SOX30: variants seen among roughly 807,000 people sequenced by gnomAD.
SOX30 encodes SRY-box transcription factor 30.
In SOX30, 17 loss-of-function variants were observed where a neutral mutation model predicts 58.6. The ratio of observed to expected loss-of-function variants is 0.29; its 90% CI spans 0.20 to 0.44. The LOEUF is 0.44. SOX30 is among the 20% of genes least tolerant of loss of function. The pLI is 1.00. For synonymous variants in SOX30, 421 were observed against 400.2 expected, an observed-to-expected ratio of 1.05 and a Z score of -0.62; for missense variants, 951 against 965.8, an observed-to-expected ratio of 0.98 and a Z score of 0.20.
chr5:157,631,059 A>ACAATATATATATTT (rs1758792303), intron 4 of SOX30, among the ~76,000 whole-genome samples: 1 of 49,268 alleles, frequency 2.0e-5, no homozygotes, highest in African/African-American at 6.7e-5. Context: ...ATATATATAT[A>ACAATATATATATTT]TATATATATA....
Position 157,626,677 on chromosome 5 carries a change from G to C in SOX30, c.1925C>G (p.Pro642Arg). The C allele has an allele frequency of 6.2e-7, 1 of 1,612,982 alleles. No individual in the cohort carries two copies. Among genetic ancestry groups the C allele is most frequent in the Non-Finnish European group, 8.5e-7 (1 of 1,179,648 alleles). The change falls in exon 5 of 5, where the codon CCG becomes CGG. Residue 642 changes from proline to arginine, a missense_variant. Coordinates refer to ENST00000265007, the MANE Select transcript of SOX30 (RefSeq NM_178424.2). ...ACTAAGGCATTCTGGCATTGAACTC[G>C]GAAAATTTCCATAGCCAAAGGGAGG... ...SRPPFGYGNFPSSMPECLSYY... is the reference protein window; with the variant it reads ...SRPPFGYGNFRSSMPECLSYY...
chr5:157,651,176 T>G lies in SOX30; in HGVS notation c.903A>C (p.Leu301=). 1 of 1,607,368 alleles carries G rather than the reference T, an allele frequency of 6.2e-7. No individual in the cohort carries two copies. ...LTPVPTKMQS[L]LEPSVKIETK... The stretch of plus-strand genomic sequence containing the variant: ...TTTCAATTTTTACAGAAGGCTCCAG[T>G]AGGGACTGCATTTTAGTAGGCACTG... The change falls in exon 1 of 5, where the codon CTA becomes CTC. Residue 301 remains leucine, a synonymous_variant. Transcript: ENST00000265007.
chr5:157,626,619 A>G lies in SOX30; in HGVS notation c.1983T>C (p.Gly661=), dbSNP rs186021483. The part of the protein sequence containing the change: ...YYEDRYPKHE[G]IFSTLNRDYS... Reference sequence around the variant, plus strand: ...AGTCTCTATTTAAAGTTGAAAAGATACCCTCATGTTTTGGGTACCTGTCTT... The same window carrying G: ...AGTCTCTATTTAAAGTTGAAAAGATGCCCTCATGTTTTGGGTACCTGTCTT... Residue 661 remains glycine (G), a synonymous_variant, in exon 5 of 5, where the codon GGT becomes GGC. Coordinates refer to ENST00000265007, the MANE Select transcript of SOX30 (RefSeq NM_178424.2). 16 of 1,614,136 alleles carry G rather than the reference A, an allele frequency of 9.9e-6. No homozygotes were observed. The East Asian group carries it at 3.3e-4, about 34-fold the overall frequency.
chr5:157,646,831 A>C lies in SOX30; in HGVS notation c.1208-15T>G. On this transcript the variant is annotated splice_polypyrimidine_tract_variant and intron_variant, in intron 2 of 4. Coordinates refer to ENST00000265007, the MANE Select transcript of SOX30 (RefSeq NM_178424.2). Reference sequence around the variant, plus strand: ...ATAAACCCAACCTATAGAAGACAAAATATGTTTAAATGTGTAGACTCCATT... The same window carrying C: ...ATAAACCCAACCTATAGAAGACAAACTATGTTTAAATGTGTAGACTCCATT... The C allele has an allele frequency of 6.3e-7, 1 of 1,594,460 alleles. No individual in the cohort carries two copies. The highest frequency in any genetic ancestry group is 8.6e-7 in the Non-Finnish European group (1 of 1,163,442).
intron 4 of SOX30, among the ~76,000 whole-genome samples, chr5:157,630,299 T>C (rs1758759511): frequency 1.3e-5 from 2 of 152,172 alleles, no homozygotes; most frequent in South Asian, 4.1e-4. Flanking sequence ...TCAGCTTCCT[T>C]GGGGATAGTT....
chr5:157,670,449 A>G (rs940342962), intron 1 of SOX30, among the ~76,000 whole-genome samples: 3 of 152,210 alleles, frequency 2.0e-5, no homozygotes, highest in East Asian at 3.8e-4. Flanking sequence ...GAGTTTTATC[A>G]GGGCTTGGCA....
chr5:157,633,694 G>T (rs563811052), intron 4 of SOX30, among the ~76,000 whole-genome samples: 3 of 152,122 alleles, frequency 2.0e-5, no homozygotes, highest in Non-Finnish European at 4.4e-5. Context: ...AAAGAGAATT[G>T]CTTTTAACCT....
intron 4 of SOX30, among the ~76,000 whole-genome samples, chr5:157,633,058 ACT>A (rs1758848858): frequency 6.6e-6 from 1 of 152,016 alleles, no homozygotes; most frequent in African/African-American, 2.4e-5. Context: ...ACAGAGCAAG[ACT>A]CTCAAAAAAA....
In SOX30 at chr5:157,626,453, C is replaced by T; in HGVS notation, c.2149G>A (p.Gly717Arg). Residue 717 changes from glycine to arginine, a missense_variant, in exon 5 of 5, where the codon GGA becomes AGA. Gly to Arg is a moderately radical substitution (Grantham distance 125, BLOSUM62 -2). Transcript: ENST00000265007. Reference protein sequence around the residue: ...NLNPVPQLDIGTLENVFTAPT... With the variant: ...NLNPVPQLDIRTLENVFTAPT... ...GCTGTGAAGACATTCTCCAAGGTTC[C>T]AATGTCCAGCTGAGGCACAGGGTTT... 1 of 1,614,116 alleles carries T rather than the reference C, an allele frequency of 6.2e-7. No homozygotes were observed. Among genetic ancestry groups the T allele is most frequent in the Non-Finnish European group, 8.5e-7 (1 of 1,180,012 alleles).
chr5:157,653,326 G>GTGA (rs1283299889), upstream of SOX30, among the ~76,000 whole-genome samples: 2 of 139,344 alleles, frequency 1.4e-5, no homozygotes, highest in African/African-American at 6.1e-5. Flanking sequence ...GAATTTTCAT[G>GTGA]TGATGATTCC....
intron 3 of SOX30, among the ~76,000 whole-genome samples, chr5:157,646,333 CTTTTTCCTATTGAATTACCTCAG>C (rs1273866031): frequency 6.6e-6 from 1 of 152,138 alleles, no homozygotes; most frequent in Non-Finnish European, 1.5e-5. Context: ...AAAGACTCTC[CTTTTTCCTATTGAATTACCTCAG>C]TTATTTCCTG....
Position 157,650,978 on chromosome 5 carries a change from T to A in SOX30, c.967+134A>T, listed in dbSNP as rs1759314152. Reference sequence around the variant, plus strand: ...GTACAAGTCGATCAGAAGTGATACCTGTGCAGACTCTGCCCTGAAAACAAT... The same window carrying A: ...GTACAAGTCGATCAGAAGTGATACCAGTGCAGACTCTGCCCTGAAAACAAT... On this transcript the variant is annotated intron_variant, in intron 1 of 4. Transcript: ENST00000265007. 4 of 648,064 alleles carry A rather than the reference T, an allele frequency of 6.2e-6. No homozygotes were observed. In the South Asian group the frequency reaches 8.7e-5, roughly 14 times the overall value. 40.1% of individuals were successfully genotyped at this position (648,064 alleles called of 1,614,324 possible). A position where few individuals can be genotyped will look rare whatever the true frequency, so the allele number is the denominator to read the frequency against.
At chr5:157,629,621 G>C (rs1312395762) in intron 4 of SOX30, among the ~76,000 whole-genome samples, 7 of 152,112 alleles carry the variant, frequency 4.6e-5, no homozygotes, top group Non-Finnish European at 1.0e-4. Context: ...ACATTAATTA[G>C]AATAGTCCAA....
chr5:157,650,744 G>C (rs1581400973), intron 1 of SOX30, among the ~76,000 whole-genome samples: 1 of 151,904 alleles, frequency 6.6e-6, no homozygotes, highest in East Asian at 1.9e-4. Context: ...TCTATTTCTT[G>C]ATACATATAA....
upstream of SOX30, among the ~76,000 whole-genome samples, chr5:157,655,127 AG>A (rs1191927208): frequency 1.3e-5 from 2 of 152,118 alleles, no homozygotes; most frequent in African/African-American, 4.8e-5. Context: ...ATAGTGTGTA[AG>A]CCCCCAGTAA....
upstream of SOX30, among the ~76,000 whole-genome samples, chr5:157,656,510 C>G (rs1334532297): frequency 6.6e-6 from 1 of 152,100 alleles, no homozygotes; most frequent in Non-Finnish European, 1.5e-5. Context: ...TTAGCCATAC[C>G]CCAAGCAATG....
chr5:157,654,066 T>A (rs1759422393), upstream of SOX30, among the ~76,000 whole-genome samples: 1 of 151,284 alleles, frequency 6.6e-6, no homozygotes. Flanking sequence ...CTCGGGAGGC[T>A]GAGGCAGGAG....
At chr5:157,647,630 C>T (rs1759226856) in intron 2 of SOX30, among the ~76,000 whole-genome samples, 1 of 152,180 alleles carries the variant, frequency 6.6e-6, no homozygotes, top group Admixed American at 6.5e-5. Flanking sequence ...TCTCGGCTCA[C>T]TGCAAGCTCC....
At chr5:157,658,273 T>C (rs1279885713) in intron 2 of SOX30, among the ~76,000 whole-genome samples, 2 of 152,222 alleles carry the variant, frequency 1.3e-5, no homozygotes, top group Non-Finnish European at 2.9e-5. Flanking sequence ...AGCAAATCAG[T>C]CTTACCGTGA....
Sources: gnomAD v4.1 joint callset for allele counts (sites outside exome capture counted in the v4.1 genomes callset) on GRCh38, gnomAD v4.1.1 for gene constraint, MANE v1.5 for transcripts, NCBI Gene and HGNC (gene_info 2026-07-23, HGNC 2026-07-21) for gene names.